The following CD79B variants were observed in gnomAD, a reference collection of about 807,000 sequenced individuals.
CD79B encodes B-cell antigen receptor complex-associated protein beta chain.
CD79B carries 7 observed loss-of-function variants against 30.0 expected under a neutral mutation model. The observed-to-expected ratio is 0.23, with a 90% CI of 0.13 to 0.44. The LOEUF (loss-of-function observed/expected upper bound fraction) is 0.44, where lower values mean the gene tolerates loss of function less well. CD79B is among the 20% of genes least tolerant of loss of function. The pLI is 1.00. For missense variants in CD79B, 218 were observed against 299.1 expected (o/e 0.73, Z 2.00); for synonymous variants, 118 against 119.2 (o/e 0.99, Z 0.07).
In CD79B at chr17:63,929,675, CA is replaced by C. The variant is rs1371890259; in HGVS notation, c.549+94del. 5.8e-6 allele frequency: 6 copies of C among 1,034,480 alleles called. No homozygotes were observed. The Admixed American group carries it at 1.1e-4, about 18-fold the overall frequency. The allele number at this position is 1,034,480 out of a possible 1,614,324, so 64.1% of individuals were successfully genotyped here. A position where few individuals can be genotyped will look rare whatever the true frequency, so the allele number is the denominator to read the frequency against. ...GGGACAGGCTGGACCAAGAAGGCCA[CA>C]ACGAGAGCTGGGGAGATGGAGACCC... is the stretch of plus-strand genomic sequence containing the variant. On this transcript the variant is annotated intron_variant, in intron 4 of 5. Coordinates refer to ENST00000006750, the MANE Select transcript of CD79B (RefSeq NM_000626.4).
intron 2 of CD79B, chr17:63,930,610 C>T (rs1377691709): frequency 1.8e-5 from 11 of 597,438 alleles, no homozygotes; most frequent in South Asian, 7.9e-5. Flanking sequence ...CACCTCTTCC[C>T]GACTGCCCCA....
In CD79B at chr17:63,930,830, G is replaced by A. The variant is rs117681763; in HGVS notation, c.119-445C>T. The A allele has an allele frequency of 2.9e-3, 879 of 305,128 alleles. 6 individuals carry two copies. Among genetic ancestry groups the A allele is most frequent in the Non-Finnish European group, 4.4e-3 (702 of 158,436 alleles). The allele number at this position is 305,128 out of a possible 1,614,324, so 18.9% of individuals were successfully genotyped here. The stretch of plus-strand genomic sequence containing the variant: ...AGGCCAAATTCCTAGTCTGTCAACT[G>A]AGACCTTCCTCAGTCGACCCCCTCC... On this transcript the variant is annotated intron_variant, in intron 2 of 5. Transcript: ENST00000006750.
intron 2 of CD79B, among the ~76,000 whole-genome samples, chr17:63,930,756 C>T (rs1908073819): frequency 6.6e-6 from 1 of 152,148 alleles, no homozygotes; most frequent in African/African-American, 2.4e-5. Flanking sequence ...CACTGGGCTG[C>T]CCTGCACAGG....
rs1390352936 is a variant in CD79B, at chr17:63,931,338, T to C, written c.115A>G (p.Lys39Glu). 6.2e-7 allele frequency: 1 copy of C among 1,613,940 alleles called. No individual in the cohort carries two copies. The highest frequency in any genetic ancestry group is 1.3e-5 in the African/African-American group (1 of 75,038). Residue 39 changes from lysine (K) to glutamate (E), a missense_variant, in exon 2 of 6, where the codon AAA (lysine) becomes GAA (glutamate). By Grantham distance (56) the Lys-to-Glu change is moderately conservative. Coordinates refer to ENST00000006750, the MANE Select transcript of CD79B (RefSeq NM_000626.4). ...AGCGGCAGGCGAGGCTACTGACCTT[T>C]GGGATTCCGGTACCGGTCCTCCGAT... ...ARSEDRYRNP[K>E]GSACSRIWQS...
At position 63,929,891 on chromosome 17, in the gene CD79B, G is replaced by A. The variant is rs764645960; in HGVS notation, c.431-3C>T. 6.0e-5 allele frequency: 96 copies of A among 1,606,968 alleles called. No individual in the cohort carries two copies. The Admixed American group carries it at 1.5e-3, about 26-fold the overall frequency. Reference sequence around the variant, plus strand: ...CAGCTGTGCCAAGGTGCTGAATCCTGCGGGGACAGGGGTGGGGTTGTGAGC... The same window carrying A: ...CAGCTGTGCCAAGGTGCTGAATCCTACGGGGACAGGGGTGGGGTTGTGAGC... On this transcript the variant is annotated splice_region_variant and splice_polypyrimidine_tract_variant and intron_variant, in intron 3 of 5. Transcript: ENST00000006750.
intron 2 of CD79B, 117 bp from the exon 3 acceptor site, chr17:63,930,502 A>C: frequency 3.2e-6 from 3 of 942,710 alleles, no homozygotes; most frequent in South Asian, 1.4e-5. Flanking sequence ...CTTGCTTCTC[A>C]GGGTGTGGGA....
intron 3 of CD79B, 87 bp from the exon 4 acceptor site, chr17:63,929,975 C>G (rs1313810423): frequency 6.5e-7 from 1 of 1,538,948 alleles, no homozygotes; most frequent in Non-Finnish European, 9.0e-7. Flanking sequence ...CCCAGTGGCT[C>G]TCCTGAGTGC....
chr17:63,932,052 A>T (rs1395242484), intron 1 of CD79B, 143 bp downstream of exon 1: 1 of 792,394 alleles, frequency 1.3e-6, no homozygotes, highest in African/African-American at 1.7e-5. Context: ...CCACAGACCC[A>T]GGCCCCAGGG....
intron 1 of CD79B, among the ~76,000 whole-genome samples, chr17:63,931,669 G>C (rs986190914): frequency 2.0e-5 from 3 of 152,154 alleles, no homozygotes; most frequent in African/African-American, 7.2e-5. Flanking sequence ...ATTTTGAGAG[G>C]CCAAGACAGG....
At chr17:63,931,663 TGA>T (rs1414962611) in intron 1 of CD79B, among the ~76,000 whole-genome samples, 1 of 151,848 alleles carries the variant, frequency 6.6e-6, no homozygotes, top group Non-Finnish European at 1.5e-5. Flanking sequence ...CTCAGTATTT[TGA>T]GAGGCCAAGA....
intron 4 of CD79B, 101 bp from the exon 5 acceptor site, chr17:63,929,576 G>T: frequency 8.0e-7 from 1 of 1,247,890 alleles, no homozygotes; most frequent in Non-Finnish European, 1.2e-6. Flanking sequence ...TGAGGGGTCA[G>T]GAGTGAGGTG....
rs1342760447 is a variant in CD79B, at chr17:63,931,266, G to C, written c.118+69C>G. 2.6e-6 allele frequency: 4 copies of C among 1,514,124 alleles called. No individual in the cohort carries two copies. The East Asian group carries it at 9.0e-5, about 34-fold the overall frequency. 93.8% of individuals were successfully genotyped at this position (1,514,124 alleles called of 1,614,324 possible). A position where few individuals can be genotyped will look rare whatever the true frequency, so the allele number is the denominator to read the frequency against. ...GAAGGCGGACCGCCCCCAGGACAGG[G>C]ACCATAGTCGGACACAGGACATAGT... On this transcript the variant is annotated intron_variant, in intron 2 of 5. Transcript: ENST00000006750.
At chr17:63,929,677 A>T in intron 4 of CD79B, 93 bp downstream of exon 4, 1 of 1,038,500 alleles carries the variant, frequency 9.6e-7, no homozygotes, top group Non-Finnish European at 1.5e-6. Context: ...GAAGGCCACA[A>T]CGAGAGCTGG....
Position 63,929,302 on chromosome 17 carries a change from G to T in CD79B, c.614C>A (p.Ala205Asp). ...CAGCGTCACTATGTCCTCATAGGTG[G>T]CTGTCTGGTCAATGTCCAGGCCCTG... ...TYEGLDIDQT[A>D]TYEDIVTLRT... The change falls in exon 6 of 6, where the codon GCC (alanine) becomes GAC (aspartate). Residue 205 changes from alanine (A) to aspartate (D), a missense_variant. Coordinates refer to ENST00000006750, the MANE Select transcript of CD79B (RefSeq NM_000626.4). The T allele has an allele frequency of 6.2e-7, 1 of 1,613,844 alleles. No homozygotes were observed. Among genetic ancestry groups the T allele is most frequent in the Non-Finnish European group, 8.5e-7 (1 of 1,179,746 alleles).
At position 63,928,966 on chromosome 17, in the gene CD79B, C is replaced by T. The variant is rs1166093945; in HGVS notation, c.*260G>A. On this transcript the variant is annotated 3_prime_UTR_variant, in exon 6 of 6. Transcript: ENST00000006750. ...CCCCATCCCATGTGTGGGGACGGAT[C>T]ACCTCATAGCACCCCCAGAAGGCTG... is the stretch of plus-strand genomic sequence containing the variant. 1.8e-6 allele frequency: 1 copy of T among 553,110 alleles called. No homozygotes were observed. The highest frequency in any genetic ancestry group is 3.3e-6 in the Non-Finnish European group (1 of 305,466). 34.3% of individuals were successfully genotyped at this position (553,110 alleles called of 1,614,324 possible).
rs781172398 is a variant in CD79B at position 63,929,244 on chromosome 17, C to A, written c.672G>T (p.Glu224Asp). 3 of 1,612,592 alleles carry A rather than the reference C, an allele frequency of 1.9e-6. No homozygotes were observed. The highest frequency in any genetic ancestry group is 2.5e-6 in the Non-Finnish European group (3 of 1,178,774). The stretch of plus-strand genomic sequence containing the variant: ...CTGGCTCTCACTCCTGGCCTGGGTG[C>A]TCACCTACAGACCACTTCACTTCCC... ...RTGEVKWSVGEHPGQE is the reference protein window; with the variant it reads ...RTGEVKWSVGDHPGQE The change falls in exon 6 of 6, where the codon GAG (glutamate) becomes GAT (aspartate). Residue 224 changes from glutamate to aspartate, a missense_variant. Coordinates refer to ENST00000006750, the MANE Select transcript of CD79B (RefSeq NM_000626.4).
chr17:63,929,527 C>G, intron 4 of CD79B, 52 bp from the exon 5 acceptor site: 1 of 1,600,404 alleles, frequency 6.2e-7, no homozygotes, highest in African/African-American at 1.3e-5. Flanking sequence ...CCAGCCCCAT[C>G]CCCTGCTGGG....
In CD79B at chr17:63,929,579, G is replaced by T. The variant is rs1196759065; in HGVS notation, c.550-104C>A. ...CAGGGAGAGGGGTGAGGGGTCAGGA[G>T]TGAGGTGCATTCTGCAAGAACAGCT... On this transcript the variant is annotated intron_variant, in intron 4 of 5. Transcript: ENST00000006750. The T allele has an allele frequency of 4.0e-6, 5 of 1,239,386 alleles. No individual in the cohort carries two copies. The Admixed American group carries it at 5.2e-5, about 13-fold the overall frequency. The allele number at this position is 1,239,386 out of a possible 1,614,324, so 76.8% of individuals were successfully genotyped here.
At position 63,929,903 on chromosome 17, in the gene CD79B, G is replaced by A. The variant is rs758601103; in HGVS notation, c.431-15C>T. ...GGTGCTGAATCCTGCGGGGACAGGG[G>A]TGGGGTTGTGAGCCTGGGCCACAGT... On this transcript the variant is annotated splice_polypyrimidine_tract_variant and intron_variant, in intron 3 of 5. Coordinates refer to ENST00000006750, the MANE Select transcript of CD79B (RefSeq NM_000626.4). The A allele has an allele frequency of 1.9e-6, 3 of 1,598,328 alleles. No homozygotes were observed. The highest frequency in any genetic ancestry group is 1.7e-4 in the Middle Eastern group (1 of 6,040).
Sources: gnomAD v4.1 joint callset for allele counts (sites outside exome capture counted in the v4.1 genomes callset) on GRCh38, gnomAD v4.1.1 for gene constraint, MANE v1.5 for transcripts, NCBI Gene and HGNC (gene_info 2026-07-23, HGNC 2026-07-21) for gene names.